PCDH9: variants seen among roughly 807,000 people sequenced by gnomAD.
The protein encoded by PCDH9 is protocadherin 9, also known as protocadherin-9.
In PCDH9, 24 loss-of-function variants were observed where a neutral mutation model predicts 70.6. The observed-to-expected ratio is 0.34, with a 90% CI of 0.25 to 0.48. The LOEUF is 0.48. Ranked by LOEUF, PCDH9 falls within the 20% of genes least tolerant of loss-of-function variation. PCDH9 has a pLI of 0.99. For missense variants in PCDH9, 1,281 were observed against 1,503.6 expected (o/e 0.85, Z 2.45); for synonymous variants, 562 against 558.5 (o/e 1.01, Z -0.09).
chr13:66,851,444 G>A (rs889250037), intron 3 of PCDH9, among the ~76,000 whole-genome samples: 1 of 152,002 alleles, frequency 6.6e-6, no homozygotes, highest in Admixed American at 6.6e-5. Flanking sequence ...TCTTTAAATT[G>A]TATGTCCATA....
chr13:66,538,330 T>C (rs892795326), intron 4 of PCDH9, among the ~76,000 whole-genome samples: 21 of 152,142 alleles, frequency 1.4e-4, no homozygotes, highest in African/African-American at 4.8e-4. Context: ...TATAGACAAA[T>C]ATTCAATAAC....
At chr13:66,460,375 G>A (rs868661996) in intron 4 of PCDH9, among the ~76,000 whole-genome samples, 2 of 151,958 alleles carry the variant, frequency 1.3e-5, no homozygotes, top group Middle Eastern at 3.4e-3. Flanking sequence ...ACTCATGCAG[G>A]AATGAATTCT....
intron 3 of PCDH9, among the ~76,000 whole-genome samples, chr13:66,846,193 T>G (rs1236961316): frequency 6.7e-6 from 1 of 149,252 alleles, no homozygotes; most frequent in African/African-American, 2.5e-5. Context: ...TTCTGGGAGC[T>G]AAATACAGGA....
intron 4 of PCDH9, among the ~76,000 whole-genome samples, chr13:66,603,691 T>G (rs1210473798): frequency 1.3e-5 from 2 of 152,046 alleles, no homozygotes; most frequent in Non-Finnish European, 2.9e-5. Flanking sequence ...CGTAAGAATT[T>G]TTTTTAAAGT....
At chr13:67,010,375 C>T in intron 2 of PCDH9, among the ~76,000 whole-genome samples, 1 of 151,920 alleles carries the variant, frequency 6.6e-6, no homozygotes, top group Non-Finnish European at 1.5e-5. Context: ...CGGTGGGTGC[C>T]TCACAGTGGG....
At chr13:67,044,162 C>A (rs1033344952) in intron 2 of PCDH9, among the ~76,000 whole-genome samples, 18 of 152,052 alleles carry the variant, frequency 1.2e-4, no homozygotes, top group Non-Finnish European at 2.2e-4. Flanking sequence ...GGCAGACAAC[C>A]AAAAATGTTG....
chr13:66,977,043 C>T lies in PCDH9; in HGVS notation c.3037-73438G>A, dbSNP rs188717483. On this transcript the variant is annotated intron_variant, in intron 2 of 4. Transcript: ENST00000377865. ...AGACTTAGTCTGTCATCTTTAAATG[C>T]TTTTCCTTACTTACCAGAGACCTTT... 2.5e-3 allele frequency among the ~76,000 whole-genome samples: 374 copies of T among 152,214 alleles called. 1 individual carries two copies. Among genetic ancestry groups the T allele is most frequent in the African/African-American group, 8.6e-3 (356 of 41,544 alleles).
chr13:67,119,297 A>G (rs144157321), intron 2 of PCDH9, among the ~76,000 whole-genome samples: 6 of 152,226 alleles, frequency 3.9e-5, no homozygotes, highest in Non-Finnish European at 7.4e-5. Context: ...TTCCTTTTCT[A>G]TAAGCAGTCA....
chr13:66,673,748 G>C (rs981590379), intron 3 of PCDH9, among the ~76,000 whole-genome samples: 1 of 152,072 alleles, frequency 6.6e-6, no homozygotes, highest in Non-Finnish European at 1.5e-5. Flanking sequence ...CACACCATTT[G>C]TTCTCAATTT....
chr13:66,706,388 A>C (rs2139119145), intron 3 of PCDH9, among the ~76,000 whole-genome samples: 1 of 152,336 alleles, frequency 6.6e-6, no homozygotes, highest in Non-Finnish European at 1.5e-5. Context: ...GAGTTCCTTA[A>C]CCTGTCTGAA....
At chr13:66,688,652 TTATC>T (rs2078438876) in intron 3 of PCDH9, among the ~76,000 whole-genome samples, 1 of 152,166 alleles carries the variant, frequency 6.6e-6, no homozygotes, top group African/African-American at 2.4e-5. Flanking sequence ...TAGTGCAACT[TTATC>T]TAATCTAATT....
intron 3 of PCDH9, among the ~76,000 whole-genome samples, chr13:66,838,623 C>G (rs943201712): frequency 1.3e-5 from 2 of 149,720 alleles, no homozygotes; most frequent in African/African-American, 4.8e-5. Context: ...GCATGAAAAA[C>G]TCTGGTACAT....
intron 2 of PCDH9, among the ~76,000 whole-genome samples, chr13:67,187,746 T>C (rs974708860): frequency 2.0e-5 from 3 of 151,994 alleles, no homozygotes; most frequent in Admixed American, 1.3e-4. Flanking sequence ...AAGGACAAAG[T>C]GAATTTTTTT....
intron 4 of PCDH9, among the ~76,000 whole-genome samples, chr13:66,309,625 T>TA (rs1194680607): frequency 6.6e-6 from 1 of 151,932 alleles, no homozygotes; most frequent in Non-Finnish European, 1.5e-5. Context: ...TTATATGCAC[T>TA]AAACTGTAAT....
chr13:66,936,116 C>T (rs1212047570), intron 2 of PCDH9, among the ~76,000 whole-genome samples: 7 of 151,926 alleles, frequency 4.6e-5, no homozygotes, highest in Admixed American at 3.9e-4. Flanking sequence ...AAATATATTT[C>T]GCAAAATTAA....
chr13:66,758,516 A>G (rs759274853), intron 3 of PCDH9, among the ~76,000 whole-genome samples: 34 of 152,052 alleles, frequency 2.2e-4, no homozygotes, highest in Non-Finnish European at 2.9e-4. Flanking sequence ...TGAATAGAAC[A>G]TTCCTATTCA....
intron 3 of PCDH9, among the ~76,000 whole-genome samples, chr13:66,649,972 C>T (rs986278943): frequency 1.4e-5 from 2 of 146,444 alleles, no homozygotes; most frequent in Non-Finnish European, 3.0e-5. Context: ...AAAAAAAAAA[C>T]ACAAACACAC....
intron 3 of PCDH9, among the ~76,000 whole-genome samples, chr13:66,860,647 G>A (rs998797919): frequency 6.6e-6 from 1 of 152,194 alleles, no homozygotes; most frequent in Non-Finnish European, 1.5e-5. Flanking sequence ...GCTTGAACAC[G>A]CTGAGGCAGT....
intron 4 of PCDH9, among the ~76,000 whole-genome samples, chr13:66,339,762 G>A (rs1956095835): frequency 6.6e-6 from 1 of 152,036 alleles, no homozygotes; most frequent in Admixed American, 6.6e-5. Context: ...TGAAAAAGTA[G>A]CTCTATCCAC....
Sources: gnomAD v4.1 joint callset for allele counts (sites outside exome capture counted in the v4.1 genomes callset) on GRCh38, gnomAD v4.1.1 for gene constraint, MANE v1.5 for transcripts, NCBI Gene and HGNC (gene_info 2026-07-23, HGNC 2026-07-21) for gene names.